LRGUK: variants seen among roughly 807,000 people sequenced by gnomAD.
The protein encoded by LRGUK is leucine-rich repeat and guanylate kinase domain-containing protein.
LRGUK carries 65 observed loss-of-function variants against 76.0 expected under a neutral mutation model. That is an observed-to-expected ratio of 0.85 (90% CI 0.70 to 1.05). LRGUK has a LOEUF of 1.05. Ranked by LOEUF, LRGUK falls within the 50% of genes least tolerant of loss-of-function variation. The probability of loss-of-function intolerance (pLI) is 0.00; values close to 1 mark genes in which losing one functional copy is unlikely to be tolerated. For synonymous variants in LRGUK, 268 were observed against 265.6 expected (o/e 1.01, Z -0.09); for missense variants, 758 against 732.8 (o/e 1.03, Z -0.40).
intron 7 of LRGUK, among the ~76,000 whole-genome samples, chr7:134,167,601 G>A (rs1799050314): frequency 6.6e-6 from 1 of 152,252 alleles, no homozygotes; most frequent in East Asian, 1.9e-4. Context: ...TGTGACTGAG[G>A]ATAGAGACCA....
chr7:134,233,979 T>A (rs1801960237), intron 16 of LRGUK, among the ~76,000 whole-genome samples: 1 of 152,172 alleles, frequency 6.6e-6, no homozygotes, highest in African/African-American at 2.4e-5. Context: ...TTTTTTGCAA[T>A]GTATTTTTTT....
intron 16 of LRGUK, among the ~76,000 whole-genome samples, chr7:134,239,495 C>T (rs1263583170): frequency 6.6e-6 from 1 of 152,224 alleles, no homozygotes; most frequent in Non-Finnish European, 1.5e-5. Context: ...GGCAGCGAGG[C>T]TGGGGGAGGG....
At chr7:134,210,001 A>G (rs1246532911) in exon 16 of LRGUK, 3 of 399,588 alleles carry the variant, frequency 7.5e-6, no homozygotes, top group Admixed American at 4.4e-5. Flanking sequence ...CTCCCCAAGC[A>G]GGCAGCTCCT....
At chr7:134,171,998 G>A (rs1266063097) in intron 7 of LRGUK, among the ~76,000 whole-genome samples, 1 of 152,106 alleles carries the variant, frequency 6.6e-6, no homozygotes, top group Non-Finnish European at 1.5e-5. Flanking sequence ...CCTACCCATG[G>A]AAGGCCAGGA....
At chr7:134,159,427 C>T (rs1056147880) in intron 6 of LRGUK, among the ~76,000 whole-genome samples, 1 of 151,738 alleles carries the variant, frequency 6.6e-6, no homozygotes, top group Non-Finnish European at 1.5e-5. Context: ...CTTATTTAAC[C>T]ATAGATCACT....
intron 11 of LRGUK, among the ~76,000 whole-genome samples, 175 bp downstream of exon 11, chr7:134,184,028 G>C (rs1479372435): frequency 6.6e-6 from 1 of 152,140 alleles, no homozygotes; most frequent in African/African-American, 2.4e-5. Context: ...AGCCAAAAGT[G>C]GTAAGTAAAT....
intron 16 of LRGUK, among the ~76,000 whole-genome samples, chr7:134,243,021 T>C (rs1172241274): frequency 1.3e-5 from 2 of 152,152 alleles, no homozygotes; most frequent in Admixed American, 6.5e-5. Flanking sequence ...TGCTAAAAAC[T>C]GTCAATAAAC....
intron 12 of LRGUK, among the ~76,000 whole-genome samples, chr7:134,196,772 T>G (rs1407350325): frequency 6.6e-6 from 1 of 152,134 alleles, no homozygotes; most frequent in African/African-American, 2.4e-5. Context: ...GCAAATTATT[T>G]CTAAAAACCT....
intron 7 of LRGUK, among the ~76,000 whole-genome samples, chr7:134,173,740 A>C (rs1214068306): frequency 6.6e-6 from 1 of 152,224 alleles, no homozygotes; most frequent in African/African-American, 2.4e-5. Context: ...CCCATCAAGA[A>C]ATATGTCATA....
At chr7:134,259,887 C>T (rs1320516730) in intron 19 of LRGUK, among the ~76,000 whole-genome samples, 2 of 152,156 alleles carry the variant, frequency 1.3e-5, no homozygotes, top group African/African-American at 4.8e-5. Context: ...GTTCTAGCTT[C>T]TCATAGGACA....
chr7:134,273,788 T>C, the LRGUK span, among the ~76,000 whole-genome samples: 1 of 152,178 alleles, frequency 6.6e-6, no homozygotes, highest in South Asian at 2.1e-4. Context: ...TATTTCCTTC[T>C]GAACCACAAA....
intron 15 of LRGUK, among the ~76,000 whole-genome samples, chr7:134,215,674 G>A (rs983063464): frequency 1.3e-5 from 2 of 151,764 alleles, no homozygotes; most frequent in Non-Finnish European, 2.9e-5. Flanking sequence ...TGACAAGCCC[G>A]AAAATCATCT....
chr7:134,139,518 G>T lies in LRGUK; in HGVS notation c.487+1G>T. On this transcript the variant is annotated splice_donor_variant, in intron 3 of 15. Transcript: ENST00000645682. LOFTEE classifies it high-confidence loss of function. The stretch of plus-strand genomic sequence containing the variant: ...GATCTTTCAGCGAATAAAATTGAAG[G>T]TATGTAATTGTCATTCTAGATTGAT... 1.3e-6 allele frequency: 2 copies of T among 1,576,564 alleles called. No individual in the cohort carries two copies. Among genetic ancestry groups the T allele is most frequent in the African/African-American group, 2.7e-5 (2 of 74,230 alleles).
chr7:134,249,343 C>T (rs1802389768), intron 18 of LRGUK, among the ~76,000 whole-genome samples: 1 of 152,078 alleles, frequency 6.6e-6, no homozygotes, highest in South Asian at 2.1e-4. Context: ...CTATTCAAGT[C>T]ACCAGCAGCA....
At position 134,127,784 on chromosome 7, in the gene LRGUK, C is replaced by A. The variant is rs1049174924; in HGVS notation, c.297+120C>A. On this transcript the variant is annotated intron_variant, in intron 1 of 15. Transcript: ENST00000645682. ...CTTCCCACACCTTCTCAGGCTCTCTCGCCTCCAGGAACGCCTCTTCCCCCT... is the reference window on the plus strand; with the variant it reads ...CTTCCCACACCTTCTCAGGCTCTCTAGCCTCCAGGAACGCCTCTTCCCCCT... 4.2e-6 allele frequency: 5 copies of A among 1,180,696 alleles called. No homozygotes were observed. The Admixed American group carries it at 8.4e-5, about 20-fold the overall frequency. 73.1% of individuals were successfully genotyped at this position (1,180,696 alleles called of 1,614,324 possible). A position where few individuals can be genotyped will look rare whatever the true frequency, so the allele number is the denominator to read the frequency against.
the LRGUK span, among the ~76,000 whole-genome samples, chr7:134,273,971 G>C: frequency 6.6e-6 from 1 of 152,092 alleles, no homozygotes; most frequent in Non-Finnish European, 1.5e-5. Context: ...ATTTTAAATA[G>C]AGAAGTTTTT....
chr7:134,207,912 A>G (rs1801074976), intron 15 of LRGUK, among the ~76,000 whole-genome samples: 1 of 152,176 alleles, frequency 6.6e-6, no homozygotes, highest in African/African-American at 2.4e-5. Context: ...TGCCTGCTGG[A>G]TGATGGCGTC....
intron 7 of LRGUK, among the ~76,000 whole-genome samples, chr7:134,164,035 A>T (rs779144534): frequency 2.0e-5 from 3 of 152,216 alleles, no homozygotes; most frequent in Non-Finnish European, 4.4e-5. Flanking sequence ...AGATTGTATA[A>T]CATGGCGATT....
intron 4 of LRGUK, among the ~76,000 whole-genome samples, chr7:134,146,016 T>TA (rs777688562): frequency 9.2e-5 from 14 of 152,160 alleles, no homozygotes; most frequent in Non-Finnish European, 1.6e-4. Context: ...CTGAGGCCTG[T>TA]AATCCCAGCA....
Sources: gnomAD v4.1 joint callset for allele counts (sites outside exome capture counted in the v4.1 genomes callset) on GRCh38, gnomAD v4.1.1 for gene constraint, MANE v1.5 for transcripts, NCBI Gene and HGNC (gene_info 2026-07-23, HGNC 2026-07-21) for gene names.